ADI1: variants seen among roughly 807,000 people sequenced by gnomAD.
ADI1 encodes acireductone dioxygenase 1.
A neutral mutation model predicts 18.7 loss-of-function variants in ADI1; 21 were observed. The ratio of observed to expected loss-of-function variants is 1.13; its 90% CI spans 0.80 to 1.62. ADI1 has a LOEUF of 1.62. Ranked by LOEUF, ADI1 falls within the 40% of genes most tolerant of loss-of-function variation. The pLI is 0.00. For missense variants in ADI1, 245 were observed against 254.9 expected (o/e 0.96, Z 0.26); for synonymous variants, 90 against 100.1 (o/e 0.90, Z 0.60).
intron 2 of ADI1, among the ~76,000 whole-genome samples, chr2:3,506,883 A>G (rs937137426): frequency 3.9e-5 from 6 of 152,240 alleles, no homozygotes; most frequent in Non-Finnish European, 7.3e-5. Context: ...CAAAGGCAAT[A>G]CAATGAAAAA....
intron 2 of ADI1, among the ~76,000 whole-genome samples, chr2:3,511,653 A>C (rs529045457): frequency 5.9e-5 from 9 of 152,354 alleles, no homozygotes; most frequent in Non-Finnish European, 1.2e-4. Flanking sequence ...GCATTGCTAT[A>C]AAGATACCTG....
chr2:3,517,048 GCC>G (rs35593525), intron 1 of ADI1: 1 of 571,650 alleles, frequency 1.7e-6, no homozygotes, highest in South Asian at 7.6e-5. Flanking sequence ...TTTGGACTGA[GCC>G]CCTGCACTAG....
chr2:3,512,997 G>A (rs895330548), intron 2 of ADI1, among the ~76,000 whole-genome samples: 3 of 152,224 alleles, frequency 2.0e-5, no homozygotes, highest in Non-Finnish European at 4.4e-5. Context: ...TGTGGGACAT[G>A]GAGTCAAAGG....
intron 3 of ADI1, chr2:3,500,583 A>T: frequency 1.6e-6 from 1 of 622,124 alleles, no homozygotes; most frequent in Non-Finnish European, 2.9e-6. Flanking sequence ...TGAAATGCAC[A>T]CCTGTCCACC....
chr2:3,508,358 A>T (rs910730045), intron 2 of ADI1, among the ~76,000 whole-genome samples: 18 of 146,642 alleles, frequency 1.2e-4, no homozygotes, highest in Non-Finnish European at 2.6e-4. Context: ...AAAAAAAAAA[A>T]AACAATAACA....
rs747271341 is a variant in ADI1 at position 3,519,490 on chromosome 2, C to G, written c.-3G>C. 7 of 1,291,706 alleles carry G rather than the reference C, an allele frequency of 5.4e-6. No individual in the cohort carries two copies. The African/African-American group carries it at 6.2e-5, about 11-fold the overall frequency. 80.0% of individuals were successfully genotyped at this position (1,291,706 alleles called of 1,614,324 possible). Reference sequence around the variant, plus strand: ...TCCATATACCAGGCCTGCACCATGACGCGCAGTGCGGGTGCCGTGTTCGAA... The same window carrying G: ...TCCATATACCAGGCCTGCACCATGAGGCGCAGTGCGGGTGCCGTGTTCGAA... On this transcript the variant is annotated 5_prime_UTR_variant, in exon 1 of 4. Transcript: ENST00000327435.
intron 2 of ADI1, among the ~76,000 whole-genome samples, chr2:3,502,496 A>G (rs1168367890): frequency 7.3e-6 from 1 of 137,222 alleles, no homozygotes; most frequent in African/African-American, 2.7e-5. Context: ...CTTGTTGCCC[A>G]GGCTGGAGTG....
intron 2 of ADI1, 47 bp downstream of exon 2, chr2:3,513,804 TTAGTAG>T: frequency 6.5e-7 from 1 of 1,536,722 alleles, no homozygotes; most frequent in Non-Finnish European, 8.7e-7. Flanking sequence ...ATTGCGTCTA[TTAGTAG>T]TGAATATAAT....
intron 2 of ADI1, among the ~76,000 whole-genome samples, chr2:3,505,628 C>T (rs1401980320): frequency 6.6e-6 from 1 of 152,182 alleles, no homozygotes; most frequent in Non-Finnish European, 1.5e-5. Context: ...AGCCAGATCC[C>T]AGCCTGCTGG....
chr2:3,500,480 C>T, intron 3 of ADI1: 2 of 462,220 alleles, frequency 4.3e-6, no homozygotes, highest in Non-Finnish European at 7.9e-6. Flanking sequence ...AGATGCCTCA[C>T]CGCCAAGCAA....
intron 2 of ADI1, among the ~76,000 whole-genome samples, chr2:3,506,475 C>T (rs1049536395): frequency 1.3e-5 from 2 of 152,124 alleles, no homozygotes; most frequent in African/African-American, 4.8e-5. Flanking sequence ...AAATGAAATG[C>T]TTAGGTATGA....
intron 2 of ADI1, among the ~76,000 whole-genome samples, chr2:3,501,628 G>A (rs1472326612): frequency 6.6e-6 from 1 of 151,988 alleles, no homozygotes; most frequent in East Asian, 1.9e-4. Flanking sequence ...CCGCCTCCCC[G>A]ATTCAAGCGA....
chr2:3,509,972 C>A (rs184205775), intron 2 of ADI1, among the ~76,000 whole-genome samples: 1 of 151,936 alleles, frequency 6.6e-6, no homozygotes, highest in African/African-American at 2.4e-5. Context: ...GGAGAAACCC[C>A]GTATCTACTA....
intron 2 of ADI1, among the ~76,000 whole-genome samples, chr2:3,504,825 CTCACCTGTGTATGTCTGCATTGTTGGT>C (rs1667137584): frequency 7.1e-6 from 1 of 141,568 alleles, no homozygotes; most frequent in Non-Finnish European, 1.5e-5. Context: ...CTATTGTTGG[CTCACCTGTGTATGTCTGCATTGTTGGT>C]TCACCTGCGT....
At chr2:3,500,489 A>C in intron 3 of ADI1, 9 of 472,270 alleles carry the variant, frequency 1.9e-5, no homozygotes, top group East Asian at 7.3e-5. Flanking sequence ...ACCGCCAAGC[A>C]AGGGCTGGGG....
intron 2 of ADI1, among the ~76,000 whole-genome samples, chr2:3,507,524 C>T (rs1032746038): frequency 1.3e-5 from 2 of 151,866 alleles, no homozygotes; most frequent in Non-Finnish European, 2.9e-5. Flanking sequence ...AAAAAAACTA[C>T]CAACCTAGCA....
At chr2:3,504,848 T>TCGG (rs1488523927) in intron 2 of ADI1, among the ~76,000 whole-genome samples, 7 of 152,190 alleles carry the variant, frequency 4.6e-5, no homozygotes, top group Non-Finnish European at 1.0e-4. Flanking sequence ...GTCTGCATTG[T>TCGG]TGGTTCACCT....
At chr2:3,518,847 T>C (rs867988102) in intron 1 of ADI1, among the ~76,000 whole-genome samples, 1 of 152,196 alleles carries the variant, frequency 6.6e-6, no homozygotes, top group Non-Finnish European at 1.5e-5. Flanking sequence ...CTTGCAGCCC[T>C]GCCGGCCGAC....
chr2:3,507,373 A>G (rs1193078685), intron 2 of ADI1, among the ~76,000 whole-genome samples: 10 of 152,218 alleles, frequency 6.6e-5, no homozygotes, highest in Non-Finnish European at 1.2e-4. Flanking sequence ...GTACCTAGGC[A>G]TATCATATTA....
Sources: gnomAD v4.1 joint callset for allele counts (sites outside exome capture counted in the v4.1 genomes callset) on GRCh38, gnomAD v4.1.1 for gene constraint, MANE v1.5 for transcripts, NCBI Gene and HGNC (gene_info 2026-07-23, HGNC 2026-07-21) for gene names.